Variants in ATP6V1C1 observed in about 807,000 individuals in gnomAD.
ATP6V1C1 encodes ATPase H+ transporting V1 subunit C1, also known as V-type proton ATPase subunit C 1.
ATP6V1C1 carries 45 observed loss-of-function variants against 53.9 expected under a neutral mutation model. The observed-to-expected ratio is 0.83, with a 90% CI of 0.66 to 1.07. The LOEUF is 1.07. Among genes scored for constraint, ATP6V1C1 ranks in the 50% least tolerant of loss-of-function variants. The pLI, the probability that ATP6V1C1 is intolerant of heterozygous loss-of-function variation, is 0.00. For synonymous variants in ATP6V1C1, 153 were observed against 155.2 expected (o/e 0.99, Z 0.11); for missense variants, 315 against 440.3 (o/e 0.72, Z 2.55).
At chr8:103,033,310 G>T (rs745424760) in intron 1 of ATP6V1C1, among the ~76,000 whole-genome samples, 1 of 152,134 alleles carries the variant, frequency 6.6e-6, no homozygotes, top group Admixed American at 6.5e-5. Flanking sequence ...CTTACAATGG[G>T]TGCATTTAAT....
chr8:103,033,606 G>T (rs1310350501), intron 1 of ATP6V1C1, among the ~76,000 whole-genome samples: 1 of 152,040 alleles, frequency 6.6e-6, no homozygotes, highest in Non-Finnish European at 1.5e-5. Context: ...CACCCCCAGA[G>T]AAATACTACA....
rs1335408642 is a variant in ATP6V1C1 at position 103,069,014 on chromosome 8, GAGA to G, written c.*270_*272del. 1.9e-5 allele frequency: 4 copies of G among 214,718 alleles called. No individual in the cohort carries two copies. Among genetic ancestry groups the G allele is most frequent in the Non-Finnish European group, 3.6e-5 (4 of 110,448 alleles). 13.3% of individuals were successfully genotyped at this position (214,718 alleles called of 1,614,324 possible). A position where few individuals can be genotyped will look rare whatever the true frequency, so the allele number is the denominator to read the frequency against. On this transcript the variant is annotated 3_prime_UTR_variant, in exon 13 of 13. Coordinates refer to ENST00000518738, the MANE Select transcript of ATP6V1C1 (RefSeq NM_001695.5). ...TTATAAACAAAATAGTTTATTTAAAGAGAAGGTCTCTTCCTTATTGATATCATG... is the reference window on the plus strand; with the variant it reads ...TTATAAACAAAATAGTTTATTTAAAGAGGTCTCTTCCTTATTGATATCATG...
At chr8:103,047,725 C>T (rs960183595) in intron 3 of ATP6V1C1, among the ~76,000 whole-genome samples, 2 of 152,210 alleles carry the variant, frequency 1.3e-5, no homozygotes, top group African/African-American at 4.8e-5. Flanking sequence ...ATGCCTACTG[C>T]TTTTCCACCT....
At chr8:103,047,430 G>GCGCACA (rs1491170438) in intron 3 of ATP6V1C1, among the ~76,000 whole-genome samples, 52 of 104,948 alleles carry the variant, frequency 5.0e-4, no homozygotes, top group African/African-American at 1.6e-3. Flanking sequence ...AAATGCGCGC[G>GCGCACA]CACACACACA....
rs996123733 is a variant in ATP6V1C1 at position 103,069,563 on chromosome 8, A to G, written c.*816A>G. The G allele has an allele frequency of 1.3e-5, 2 of 152,242 alleles. No homozygotes were observed. Among genetic ancestry groups the G allele is most frequent in the African/African-American group, 2.4e-5 (1 of 41,472 alleles). The allele number at this position is 152,242 out of a possible 1,614,324, so 9.4% of individuals were successfully genotyped here. Reference sequence around the variant, plus strand: ...GTTTTGAATAAAGTCTAGCAGAACTATGCAGCTTTAGTCATTTGTTTTGTC... The same window carrying G: ...GTTTTGAATAAAGTCTAGCAGAACTGTGCAGCTTTAGTCATTTGTTTTGTC... On this transcript the variant is annotated 3_prime_UTR_variant, in exon 13 of 13. Transcript: ENST00000518738.
chr8:103,048,209 A>C (rs182411552), intron 3 of ATP6V1C1, among the ~76,000 whole-genome samples: 2 of 152,318 alleles, frequency 1.3e-5, no homozygotes, highest in Non-Finnish European at 2.9e-5. Flanking sequence ...GGTCATATGT[A>C]GGTGACTTGG....
intron 3 of ATP6V1C1, among the ~76,000 whole-genome samples, chr8:103,045,967 G>A (rs3133431): frequency 0.54 from 81,615 of 151,366 alleles, 22,257 homozygotes; most frequent in Admixed American, 0.59. Flanking sequence ...AAAAAAATGT[G>A]AGGGAACTTT....
At chr8:103,029,919 G>T (rs1052511327) in intron 1 of ATP6V1C1, among the ~76,000 whole-genome samples, 1 of 151,978 alleles carries the variant, frequency 6.6e-6, no homozygotes, top group African/African-American at 2.4e-5. Context: ...TTTTAGTAGA[G>T]ACAGGGTTTT....
intron 8 of ATP6V1C1, among the ~76,000 whole-genome samples, chr8:103,059,324 C>T (rs1586325598): frequency 6.6e-6 from 1 of 152,216 alleles, no homozygotes; most frequent in African/African-American, 2.4e-5. Flanking sequence ...AGCCAGCCTT[C>T]CCCCCAACCA....
chr8:103,051,085 G>A lies in ATP6V1C1; in HGVS notation c.322G>A (p.Asp108Asn). 1 of 1,610,076 alleles carries A rather than the reference G, an allele frequency of 6.2e-7. No individual in the cohort carries two copies. Among genetic ancestry groups the A allele is most frequent in the East Asian group, 2.2e-5 (1 of 44,696 alleles). ...LVTYITRFQW[D>N]MAKYPIKQSL... Reference sequence around the variant, plus strand: ...TACTTATATAACAAGGTTCCAGTGGGACATGGCCAAATATCCAATCAAGCA... The same window carrying A: ...TACTTATATAACAAGGTTCCAGTGGAACATGGCCAAATATCCAATCAAGCA... The change falls in exon 5 of 13, where the codon GAC becomes AAC. Residue 108 changes from aspartate (D) to asparagine (N), a missense_variant. Coordinates refer to ENST00000518738, the MANE Select transcript of ATP6V1C1 (RefSeq NM_001695.5).
At chr8:103,038,495 ATTTTAC>A (rs970725395) in intron 1 of ATP6V1C1, among the ~76,000 whole-genome samples, 7 of 152,202 alleles carry the variant, frequency 4.6e-5, no homozygotes, top group Non-Finnish European at 8.8e-5. Flanking sequence ...TAATTCAGCT[ATTTTAC>A]TTTTATCTAT....
intron 6 of ATP6V1C1, 47 bp from the exon 7 acceptor site, chr8:103,053,837 A>G: frequency 7.3e-7 from 1 of 1,375,244 alleles, no homozygotes; most frequent in Non-Finnish European, 1.0e-6. Flanking sequence ...TACTTGTGTT[A>G]CAGAAGCACA....
chr8:103,021,601 C>T (rs926106642), intron 1 of ATP6V1C1, among the ~76,000 whole-genome samples: 4 of 140,418 alleles, frequency 2.8e-5, no homozygotes, highest in African/African-American at 1.1e-4. Flanking sequence ...TCACAGCTAG[C>T]GCAAGTGCCT....
chr8:103,067,396 C>CAA (rs751801442), intron 12 of ATP6V1C1, among the ~76,000 whole-genome samples: 177 of 71,908 alleles, frequency 2.5e-3, no homozygotes, highest in African/African-American at 7.8e-3. Context: ...GACTCCGTCC[C>CAA]AAAAAAAAAA....
chr8:103,063,386 A>T, intron 10 of ATP6V1C1, 158 bp downstream of exon 10: 2 of 566,102 alleles, frequency 3.5e-6, no homozygotes, highest in Non-Finnish European at 6.1e-6. Flanking sequence ...ATTTCCTCTA[A>T]AGCTTAACTG....
intron 1 of ATP6V1C1, 59 bp downstream of exon 1, chr8:103,021,284 C>G (rs2454041): frequency 0.13 from 19,508 of 152,446 alleles, 2,686 homozygotes; most frequent in African/African-American, 0.35. Flanking sequence ...AGCATGAGCT[C>G]CGGTCGCTGC....
chr8:103,022,171 A>G (rs550036219), intron 1 of ATP6V1C1, among the ~76,000 whole-genome samples: 1 of 152,222 alleles, frequency 6.6e-6, no homozygotes, highest in African/African-American at 2.4e-5. Flanking sequence ...CTATGGGAAG[A>G]TATTCTGGAG....
intron 5 of ATP6V1C1, among the ~76,000 whole-genome samples, chr8:103,052,211 A>G (rs1015823898): frequency 6.6e-6 from 1 of 152,014 alleles, no homozygotes; most frequent in South Asian, 2.1e-4. Context: ...AGTTCTTCGA[A>G]TGTTGTTTAC....
intron 1 of ATP6V1C1, among the ~76,000 whole-genome samples, chr8:103,040,126 T>C (rs565565108): frequency 3.9e-4 from 60 of 152,308 alleles, no homozygotes; most frequent in African/African-American, 1.4e-3. Flanking sequence ...GCTTTTTTTT[T>C]CTTTTTTTAA....
Sources: gnomAD v4.1 joint callset for allele counts (sites outside exome capture counted in the v4.1 genomes callset) on GRCh38, gnomAD v4.1.1 for gene constraint, MANE v1.5 for transcripts, NCBI Gene and HGNC (gene_info 2026-07-23, HGNC 2026-07-21) for gene names.